The following CCDC60 variants were observed in gnomAD, a reference collection of about 807,000 sequenced individuals.
The protein encoded by CCDC60 is coiled-coil domain containing 60, also known as coiled-coil domain-containing protein 60.
Under a neutral mutation model 63.5 loss-of-function variants are expected in CCDC60, and 54 were observed. The observed-to-expected ratio is 0.85, with a 90% confidence interval of 0.68 to 1.07. CCDC60 has a LOEUF of 1.07. Among genes scored for constraint, CCDC60 ranks in the 50% least tolerant of loss-of-function variants. CCDC60 has a pLI of 0.00. For missense variants in CCDC60, 651 were observed against 684.3 expected (o/e 0.95, Z 0.54); for synonymous variants, 206 against 238.8 (o/e 0.86, Z 1.27).
At chr12:119,440,565 A>T (rs1593091174) in intron 2 of CCDC60, among the ~76,000 whole-genome samples, 1 of 152,056 alleles carries the variant, frequency 6.6e-6, no homozygotes, top group Non-Finnish European at 1.5e-5. Flanking sequence ...AATAAAATAA[A>T]ATCTGAATAT....
At chr12:119,453,879 CGAT>C (rs958300314) in intron 2 of CCDC60, among the ~76,000 whole-genome samples, 4 of 150,864 alleles carry the variant, frequency 2.7e-5, no homozygotes, top group Admixed American at 6.6e-5. Context: ...GAAGAGAAGT[CGAT>C]GATAATTTGA....
chr12:119,430,843 G>A (rs1459896634), intron 2 of CCDC60, among the ~76,000 whole-genome samples: 1 of 152,106 alleles, frequency 6.6e-6, no homozygotes, highest in Non-Finnish European at 1.5e-5. Context: ...TCAGGGTGTG[G>A]TATTCTGTTA....
At chr12:119,358,956 G>A (rs572801245) in intron 1 of CCDC60, among the ~76,000 whole-genome samples, 16 of 152,298 alleles carry the variant, frequency 1.1e-4, no homozygotes, top group African/African-American at 3.8e-4. Flanking sequence ...GATTTCCCAT[G>A]AGTGGAATTG....
chr12:119,523,861 G>C, intron 11 of CCDC60, 43 bp downstream of exon 11: 9 of 1,600,690 alleles, frequency 5.6e-6, no homozygotes, highest in Non-Finnish European at 7.7e-6. Context: ...AGCATTCACT[G>C]GGTACCTACT....
intron 13 of CCDC60, among the ~76,000 whole-genome samples, chr12:119,538,836 T>G (rs1185150848): frequency 6.6e-6 from 1 of 152,240 alleles, no homozygotes; most frequent in Non-Finnish European, 1.5e-5. Flanking sequence ...TTTATCTACT[T>G]TTGGTCTCTG....
At chr12:119,538,769 G>T (rs569942424) in intron 13 of CCDC60, among the ~76,000 whole-genome samples, 17 of 152,262 alleles carry the variant, frequency 1.1e-4, no homozygotes, top group African/African-American at 3.4e-4. Flanking sequence ...GAGAAGAAGC[G>T]TTCTGGTTTT....
In CCDC60 at chr12:119,373,862, A is replaced by G. The variant is rs377047081; in HGVS notation, c.90+38596A>G. ...CTACATTTTTCACGTTTCATTTGTT[A>G]TCTAGACAGGCTTTAAGTACATGGA... On this transcript the variant is annotated intron_variant, in intron 1 of 13. Transcript: ENST00000327554. 1.6e-4 allele frequency among the ~76,000 whole-genome samples: 25 copies of G among 152,322 alleles called. 1 individual carries two copies. In the East Asian group the frequency reaches 4.8e-3, roughly 29 times the overall value.
intron 1 of CCDC60, among the ~76,000 whole-genome samples, chr12:119,352,781 AT>A (rs375451389): frequency 3.1e-3 from 476 of 152,214 alleles, no homozygotes; most frequent in South Asian, 0.021. Flanking sequence ...TACTAAAAAC[AT>A]AAAAATTAGC....
chr12:119,522,807 G>T (rs708887), intron 9 of CCDC60, 132 bp from the exon 10 acceptor site: 342,347 of 793,042 alleles, frequency 0.43, 78,901 homozygotes, highest in Non-Finnish European at 0.49. Context: ...AGAGTTCTGT[G>T]ACTGGTGCCT....
At chr12:119,421,906 T>C (rs940150517) in intron 1 of CCDC60, among the ~76,000 whole-genome samples, 1 of 152,212 alleles carries the variant, frequency 6.6e-6, no homozygotes, top group Admixed American at 6.5e-5. Flanking sequence ...GAATATTAAA[T>C]GTGAGTATAT....
At chr12:119,507,414 T>TTA (rs542872904) in intron 7 of CCDC60, among the ~76,000 whole-genome samples, 1,662 of 148,354 alleles carry the variant, frequency 0.011, 12 homozygotes, top group Non-Finnish European at 0.018. Flanking sequence ...TATGCGATTC[T>TTA]TATATATATA....
At chr12:119,419,721 C>T (rs780128582) in intron 1 of CCDC60, among the ~76,000 whole-genome samples, 7 of 152,202 alleles carry the variant, frequency 4.6e-5, no homozygotes, top group South Asian at 2.1e-4. Context: ...CCAGAGGACT[C>T]CTGCTGCTTT....
At chr12:119,443,243 C>G (rs1950480290) in intron 2 of CCDC60, among the ~76,000 whole-genome samples, 1 of 152,170 alleles carries the variant, frequency 6.6e-6, no homozygotes, top group Non-Finnish European at 1.5e-5. Flanking sequence ...GCCAATGTCT[C>G]CAATCTATTT....
intron 1 of CCDC60, among the ~76,000 whole-genome samples, chr12:119,352,941 A>G (rs971699626): frequency 6.9e-6 from 1 of 145,578 alleles, no homozygotes; most frequent in Non-Finnish European, 1.5e-5. Flanking sequence ...CTCTGTCTCA[A>G]TAATTAAAAT....
intron 1 of CCDC60, among the ~76,000 whole-genome samples, chr12:119,376,657 CAG>C (rs1274852144): frequency 4.6e-5 from 7 of 151,982 alleles, no homozygotes; most frequent in Non-Finnish European, 1.5e-5. Flanking sequence ...AAATAAAACT[CAG>C]GGGATGGTCC....
chr12:119,418,371 TCCTTTTCTTTCTTTC>T (rs1483937107), intron 1 of CCDC60, among the ~76,000 whole-genome samples: 14 of 148,400 alleles, frequency 9.4e-5, no homozygotes, highest in African/African-American at 2.2e-4. Flanking sequence ...TCTTTCTTTT[TCCTTTTCTTTCTTTC>T]TTTTTTTTTT....
chr12:119,489,242 T>G (rs897592963), intron 5 of CCDC60, among the ~76,000 whole-genome samples: 8 of 152,238 alleles, frequency 5.3e-5, no homozygotes, highest in African/African-American at 1.9e-4. Flanking sequence ...CTCCCTACAC[T>G]ATTCTTTATT....
In CCDC60 at chr12:119,541,015, G is replaced by C; in HGVS notation, c.*300G>C. On this transcript the variant is annotated 3_prime_UTR_variant, in exon 14 of 14. Coordinates refer to ENST00000327554, the MANE Select transcript of CCDC60 (RefSeq NM_178499.5). ...CCTTCACCCTATTTACCTTCCTCAA[G>C]TACTGGAGAATAAAATTGAACTGAA... The C allele has an allele frequency of 3.7e-6, 1 of 273,084 alleles. No individual in the cohort carries two copies. The highest frequency in any genetic ancestry group is 6.8e-6 in the Non-Finnish European group (1 of 146,474). The allele number at this position is 273,084 out of a possible 1,614,324, so 16.9% of individuals were successfully genotyped here.
At chr12:119,405,114 A>AC (rs1181250586) in intron 1 of CCDC60, among the ~76,000 whole-genome samples, 2 of 152,020 alleles carry the variant, frequency 1.3e-5, no homozygotes, top group Admixed American at 6.6e-5. Context: ...TCATTTCTCC[A>AC]CCCCAGGCTG....
Sources: gnomAD v4.1 joint callset for allele counts (sites outside exome capture counted in the v4.1 genomes callset) on GRCh38, gnomAD v4.1.1 for gene constraint, MANE v1.5 for transcripts, NCBI Gene and HGNC (gene_info 2026-07-23, HGNC 2026-07-21) for gene names.